PRKRA: variants seen among roughly 807,000 people sequenced by gnomAD.
The protein encoded by PRKRA is protein activator of interferon induced protein kinase EIF2AK2, also known as interferon-inducible double-stranded RNA-dependent protein kinase activator A.
Under a neutral mutation model 32.4 loss-of-function variants are expected in PRKRA, and 22 were observed. The observed-to-expected ratio is 0.68, with a 90% CI of 0.49 to 0.97. PRKRA has a LOEUF of 0.97. Ranked by LOEUF, PRKRA falls within the 50% of genes least tolerant of loss-of-function variation. The pLI, the probability that PRKRA is intolerant of heterozygous loss-of-function variation, is 0.00. For missense variants in PRKRA, 319 were observed against 375.6 expected (o/e 0.85, Z 1.25); for synonymous variants, 139 against 129.8 (o/e 1.07, Z -0.48).
chr2:178,435,535 T>C (rs553432463), intron 7 of PRKRA, among the ~76,000 whole-genome samples: 21 of 152,292 alleles, frequency 1.4e-4, no homozygotes, highest in African/African-American at 4.6e-4. Context: ...AAAATACAGA[T>C]GATGATGGCT....
chr2:178,445,176 G>A (rs1697269909), intron 3 of PRKRA, among the ~76,000 whole-genome samples: 1 of 152,198 alleles, frequency 6.6e-6, no homozygotes, highest in Non-Finnish European at 1.5e-5. Flanking sequence ...TTTGGTTTTA[G>A]CAAGTGGGGA....
intron 1 of PRKRA, 33 bp downstream of exon 1, chr2:178,450,933 C>A (rs549157819): frequency 1.1e-4 from 101 of 885,282 alleles, no homozygotes; most frequent in Non-Finnish European, 1.5e-4. Context: ...CCAACGCTCC[C>A]GGCCCTGGGG....
chr2:178,444,675 C>G (rs1321773661), intron 3 of PRKRA, among the ~76,000 whole-genome samples, 175 bp from the exon 4 acceptor site: 2 of 152,158 alleles, frequency 1.3e-5, no homozygotes, highest in Non-Finnish European at 2.9e-5. Flanking sequence ...CAAGATATAT[C>G]TCAAATGTCA....
rs1371713266 is a variant in PRKRA at position 178,451,085 on chromosome 2, C to A, written c.-55G>T. The A allele has an allele frequency of 7.5e-5, 114 of 1,525,704 alleles. No individual in the cohort carries two copies. The highest frequency in any genetic ancestry group is 9.8e-5 in the Non-Finnish European group (112 of 1,139,344). 94.5% of individuals were successfully genotyped at this position (1,525,704 alleles called of 1,614,324 possible). ...GAAGAGCGGTGCGGAGCGACGTGCT[C>A]GCTCCCCGGGTCGCTGGTCCCCGGG... On this transcript the variant is annotated 5_prime_UTR_variant, in exon 1 of 8. Coordinates refer to ENST00000325748, the MANE Select transcript of PRKRA (RefSeq NM_003690.5).
intron 2 of PRKRA, among the ~76,000 whole-genome samples, chr2:178,449,444 T>C (rs1408700691): frequency 6.6e-6 from 1 of 152,238 alleles, no homozygotes; most frequent in East Asian, 1.9e-4. Flanking sequence ...ACTAAATTTT[T>C]TTCTTGGCAT....
intron 2 of PRKRA, 90 bp downstream of exon 2, chr2:178,450,152 G>C (rs1371106230): frequency 1.2e-5 from 15 of 1,263,848 alleles, no homozygotes; most frequent in Non-Finnish European, 1.6e-5. Flanking sequence ...ACAGCTGTCT[G>C]GCAAAAAGAG....
intron 4 of PRKRA, chr2:178,443,825 G>C (rs1697209436): frequency 5.7e-6 from 1 of 175,464 alleles, no homozygotes; most frequent in Non-Finnish European, 1.2e-5. Flanking sequence ...ATAAAGTGGG[G>C]GACAGAAGGT....
rs1474183629 is a variant in PRKRA, at chr2:178,451,093, G to C, written c.-63C>G. 2 of 1,511,168 alleles carry C rather than the reference G, an allele frequency of 1.3e-6. No homozygotes were observed. The highest frequency in any genetic ancestry group is 1.8e-6 in the Non-Finnish European group (2 of 1,130,058). 93.6% of individuals were successfully genotyped at this position (1,511,168 alleles called of 1,614,324 possible). ...GTGCGGAGCGACGTGCTCGCTCCCC[G>C]GGTCGCTGGTCCCCGGGAGGAGCTC... On this transcript the variant is annotated 5_prime_UTR_variant, in exon 1 of 8. Coordinates refer to ENST00000325748, the MANE Select transcript of PRKRA (RefSeq NM_003690.5).
At chr2:178,437,872 T>C (rs906661560) in intron 6 of PRKRA, among the ~76,000 whole-genome samples, 2 of 152,222 alleles carry the variant, frequency 1.3e-5, no homozygotes. Flanking sequence ...AAGAGCTTTT[T>C]AAATTTTCTC....
rs1697594153 is a variant in PRKRA at position 178,450,908 on chromosome 2, C to T, written c.65+58G>A. 12 of 1,223,860 alleles carry T rather than the reference C, an allele frequency of 9.8e-6. No individual in the cohort carries two copies. The Admixed American group carries it at 2.3e-4, about 23-fold the overall frequency. The allele number at this position is 1,223,860 out of a possible 1,614,324, so 75.8% of individuals were successfully genotyped here. A position where few individuals can be genotyped will look rare whatever the true frequency, so the allele number is the denominator to read the frequency against. ...GCCTCTGGAGGGCCGGCTCCCCGCG[C>T]CCCGGCCCTGCCGCCCAACGCTCCC... On this transcript the variant is annotated intron_variant, in intron 1 of 7. Coordinates refer to ENST00000325748, the MANE Select transcript of PRKRA (RefSeq NM_003690.5).
At chr2:178,450,053 G>A (rs983492856) in intron 2 of PRKRA, 189 bp downstream of exon 2, 2 of 786,912 alleles carry the variant, frequency 2.5e-6, no homozygotes, top group Admixed American at 4.2e-5. Context: ...TTGGTATGTG[G>A]GGAAGAGAAA....
intron 7 of PRKRA, chr2:178,433,329 A>G (rs1696747302): frequency 6.6e-6 from 1 of 152,176 alleles, no homozygotes; most frequent in Non-Finnish European, 1.5e-5. Flanking sequence ...ATATACAGAT[A>G]CCTGTGTGTA....
At chr2:178,441,790 T>G (rs1697124772) in intron 5 of PRKRA, 86 bp from the exon 6 acceptor site, 1 of 831,286 alleles carries the variant, frequency 1.2e-6, no homozygotes, top group African/African-American at 1.9e-5. Flanking sequence ...CTGTGTTTAA[T>G]CAGAGAACCT....
chr2:178,447,668 A>G, intron 2 of PRKRA, 82 bp from the exon 3 acceptor site: 2 of 1,497,386 alleles, frequency 1.3e-6, no homozygotes, highest in South Asian at 2.3e-5. Context: ...ACACAAAACA[A>G]AGTCACTATA....
intron 3 of PRKRA, among the ~76,000 whole-genome samples, chr2:178,446,759 C>T (rs558561531): frequency 6.6e-5 from 10 of 152,132 alleles, no homozygotes; most frequent in Non-Finnish European, 1.2e-4. Flanking sequence ...TTTGGGAGGC[C>T]GAGGCTGGCG....
At chr2:178,442,932 T>C (rs116582767) in intron 5 of PRKRA, among the ~76,000 whole-genome samples, 2 of 152,346 alleles carry the variant, frequency 1.3e-5, no homozygotes, top group Admixed American at 6.5e-5. Context: ...CTAGATAGAA[T>C]AGCTGTTAAA....
intron 4 of PRKRA, chr2:178,443,659 A>G (rs1697203744): frequency 2.7e-6 from 1 of 364,026 alleles, no homozygotes; most frequent in African/African-American, 2.1e-5. Context: ...CTAGAAAAAC[A>G]GGCTACTACC....
chr2:178,444,598 C>G (rs553436384), intron 3 of PRKRA, 98 bp from the exon 4 acceptor site: 1 of 959,322 alleles, frequency 1.0e-6, no homozygotes, highest in African/African-American at 1.6e-5. Flanking sequence ...TGTCTTTGCT[C>G]TTGTCATTCC....
intron 6 of PRKRA, among the ~76,000 whole-genome samples, chr2:178,437,041 A>T (rs1390608616): frequency 1.3e-5 from 2 of 152,114 alleles, no homozygotes; most frequent in Non-Finnish European, 2.9e-5. Flanking sequence ...AAAAACAACT[A>T]CTTTCTGAAG....
Sources: allele counts gnomAD v4.1 joint callset (sites outside exome capture counted in the v4.1 genomes callset), GRCh38; gene constraint gnomAD v4.1.1; transcripts MANE v1.5; gene names NCBI Gene and HGNC (gene_info 2026-07-23, HGNC 2026-07-21).